RNF20: variants seen among roughly 807,000 people sequenced by gnomAD.
The protein encoded by RNF20 is E3 ubiquitin-protein ligase BRE1A.
In RNF20, 84 loss-of-function variants were observed where a neutral mutation model predicts 126.2. The observed-to-expected ratio is 0.67, with a 90% CI of 0.56 to 0.80. The LOEUF is 0.80. Ranked by LOEUF, RNF20 falls within the 30% of genes least tolerant of loss-of-function variation. RNF20 has a pLI of 0.00. For missense variants in RNF20, 869 were observed against 1,188.2 expected (o/e 0.73, Z 3.95); for synonymous variants, 400 against 414.3 (o/e 0.97, Z 0.42).
In RNF20 at chr9:101,552,484, C is replaced by T. The variant is rs1325790102; in HGVS notation, c.1632C>T (p.Ser544=). ...TAAAACCAGATTCTGAGGACTTATC[C>T]TCCCAGTCCTCAGCTTCAAAGGCAT... ...AELKPDSEDL[S]SQSSASKASQ... The change falls in exon 13 of 20, where the codon TCC becomes TCT. Residue 544 remains serine, a synonymous_variant. Transcript: ENST00000389120. The T allele has an allele frequency of 2.5e-6, 4 of 1,613,978 alleles. No homozygotes were observed. The highest frequency in any genetic ancestry group is 1.6e-4 in the Middle Eastern group (1 of 6,062).
In RNF20 at chr9:101,546,924, G is replaced by A. The variant is rs147124109; in HGVS notation, c.852G>A (p.Arg284=). 1,885 of 1,614,002 alleles carry A rather than the reference G, an allele frequency of 1.2e-3. 2 individuals are homozygous for A. Among genetic ancestry groups the A allele is most frequent in the Non-Finnish European group, 1.4e-3 (1,610 of 1,180,018 alleles). Reference sequence around the variant, plus strand: ...GGGATATTGACAAAATTCGAAAGAGGGAACAGCGACTCAACCGACACTTAG... The same window carrying A: ...GGGATATTGACAAAATTCGAAAGAGAGAACAGCGACTCAACCGACACTTAG... ...LQWDIDKIRK[R]EQRLNRHLAE... The change falls in exon 7 of 20, where the codon AGG becomes AGA. Residue 284 remains arginine (R), a synonymous_variant. Coordinates refer to ENST00000389120, the MANE Select transcript of RNF20 (RefSeq NM_019592.7).
At position 101,544,841 on chromosome 9, in the gene RNF20, T is replaced by C. The variant is rs61760889; in HGVS notation, c.703T>C (p.Leu235=). 4.7e-3 allele frequency: 7,564 copies of C among 1,613,840 alleles called. 20 individuals carry two copies. The highest frequency in any genetic ancestry group is 5.4e-3 in the Non-Finnish European group (6,412 of 1,179,728). The part of the protein sequence containing the change: ...LAQENMRLQE[L]TDLLQEKHRT... ...ACAGGAGAATATGAGGCTACAGGAA[T>C]TGACAGATCTTCTTCAGGAAAAGCA... The change falls in exon 6 of 20, where the codon TTG becomes CTG. Residue 235 remains leucine, a synonymous_variant. Transcript: ENST00000389120.
At chr9:101,555,063 T>C (rs1226558660) in intron 15 of RNF20, among the ~76,000 whole-genome samples, 1 of 152,142 alleles carries the variant, frequency 6.6e-6, no homozygotes, top group African/African-American at 2.4e-5. Flanking sequence ...TTTATTTAAA[T>C]GGACATTTAT....
rs189086796 is a variant in RNF20 at position 101,551,147 on chromosome 9, A to G, written c.1272+362A>G. On this transcript the variant is annotated intron_variant, in intron 10 of 19. Transcript: ENST00000389120. ...TTAAGGATAAATTATTGGTAGTTGA[A>G]AGTAGGAGAAGAAGAATTCCCGGCA... is the stretch of plus-strand genomic sequence containing the variant. Among the ~76,000 whole-genome samples, 82 of 152,328 alleles carry G rather than the reference A, an allele frequency of 5.4e-4. 1 individual carries two copies. The highest frequency in any genetic ancestry group is 5.2e-4 in the Admixed American group (8 of 15,298).
rs1564111734 is a variant in RNF20 at position 101,554,935 on chromosome 9, C to CT, written c.2169+99dup. The CT allele has an allele frequency of 7.1e-6, 7 of 986,514 alleles. No individual in the cohort carries two copies. In the East Asian group the frequency reaches 2.2e-4, roughly 31 times the overall value. 61.1% of individuals were successfully genotyped at this position (986,514 alleles called of 1,614,324 possible). A position where few individuals can be genotyped will look rare whatever the true frequency, so the allele number is the denominator to read the frequency against. On this transcript the variant is annotated intron_variant, in intron 15 of 19. Coordinates refer to ENST00000389120, the MANE Select transcript of RNF20 (RefSeq NM_019592.7). ...GTGAAATTTGCTTTTTTATTTTGGT[C>CT]TTTTTTTGATTGTTAATGTGTATTT...
At position 101,544,797 on chromosome 9, in the gene RNF20, A is replaced by C; in HGVS notation, c.659A>C (p.Glu220Ala). 6.2e-7 allele frequency: 1 copy of C among 1,611,370 alleles called. No individual in the cohort carries two copies. ...DNLIVEEAVQ[E>A]LNSFLAQENM... ...CTGATAGTGGAGGAAGCAGTGCAGG[A>C]GCTGAACTCTTTCCTCGCACAGGAG... The change falls in exon 6 of 20, where the codon GAG becomes GCG. Residue 220 changes from glutamate to alanine, a missense_variant. Glu to Ala is a moderately radical substitution (Grantham distance 107, BLOSUM62 -1). This residue lies in a region of RNF20 where 103 missense variants were observed against 94.3 expected (regional missense o/e 1.09). Transcript: ENST00000389120.
rs2118716533 is a variant in RNF20 at position 101,552,412 on chromosome 9, G to C, written c.1560G>C (p.Leu520=). 1 of 1,605,688 alleles carries C rather than the reference G, an allele frequency of 6.2e-7. No individual in the cohort carries two copies. Among genetic ancestry groups the C allele is most frequent in the Non-Finnish European group, 8.5e-7 (1 of 1,174,176 alleles). Residue 520 remains leucine, a synonymous_variant, in exon 13 of 20, where the codon CTG becomes CTC. Transcript: ENST00000389120. ...GCCTGCGTAGTGGTAGTGCCCTCCT[G>C]CAGTCCCAGTCTAGTACTGAGGACC... is the stretch of plus-strand genomic sequence containing the variant. The part of the protein sequence containing the change: ...KTRLRSGSAL[L]QSQSSTEDPK...
chr9:101,543,256 G>A (rs561529844), intron 5 of RNF20, among the ~76,000 whole-genome samples: 6 of 152,266 alleles, frequency 3.9e-5, no homozygotes, highest in East Asian at 3.9e-4. Context: ...CTGCCAGAGC[G>A]GCACTGTCTA....
At chr9:101,558,158 A>G (rs1827567178) in intron 16 of RNF20, among the ~76,000 whole-genome samples, 1 of 151,880 alleles carries the variant, frequency 6.6e-6, no homozygotes, top group African/African-American at 2.4e-5. Context: ...TATTGTACCC[A>G]GTGTGTAGTC....
chr9:101,560,977 T>C lies in RNF20; in HGVS notation c.2508+51T>C, dbSNP rs368551148. ...TTAGTCTCAGTGGAACAAATAAGTA[T>C]AACACTGTTGAGATTGTAAGTTCGC... On this transcript the variant is annotated intron_variant, in intron 17 of 19. Transcript: ENST00000389120. 4.4e-6 allele frequency: 7 copies of C among 1,602,512 alleles called. No homozygotes were observed. The East Asian group carries it at 1.6e-4, about 36-fold the overall frequency.
rs1471475778 is a variant in RNF20 at position 101,554,028 on chromosome 9, G to A, written c.1942G>A (p.Asp648Asn). ...ESQKEMKLLL[D>N]MYRSAPKEQR... ...CCAAAAGGAGATGAAACTATTGCTG[G>A]ATATGTACCGTTCTGCCCCAAAGGA... is the stretch of plus-strand genomic sequence containing the variant. Residue 648 changes from aspartate (D) to asparagine (N), a missense_variant, in exon 14 of 20, where the codon GAT (aspartate) becomes AAT (asparagine). Physicochemically the swap from Asp to Asn is conservative, Grantham distance 23. Around this residue, in one of 8 missense-constraint regions of RNF20, gnomAD observed 231 missense variants for 263.6 expected, o/e 0.88. Coordinates refer to ENST00000389120, the MANE Select transcript of RNF20 (RefSeq NM_019592.7). 2 of 1,613,656 alleles carry A rather than the reference G, an allele frequency of 1.2e-6. No homozygotes were observed. The highest frequency in any genetic ancestry group is 1.7e-6 in the Non-Finnish European group (2 of 1,179,682).
intron 11 of RNF20, 66 bp downstream of exon 11, chr9:101,551,885 A>C (rs541429068): frequency 6.6e-7 from 1 of 1,512,296 alleles, no homozygotes; most frequent in African/African-American, 1.4e-5. Flanking sequence ...TACAACACAG[A>C]CCCCAGGGTT....
At position 101,554,157 on chromosome 9, in the gene RNF20, G is replaced by A. The variant is rs529402381; in HGVS notation, c.2019+52G>A. ...TTCTGGTTAAAATCTTCATTTGTGGGATTTTCCTTTATACTTGCCAACGAT... is the reference window on the plus strand; with the variant it reads ...TTCTGGTTAAAATCTTCATTTGTGGAATTTTCCTTTATACTTGCCAACGAT... On this transcript the variant is annotated intron_variant, in intron 14 of 19. Transcript: ENST00000389120. 1.3e-5 allele frequency: 14 copies of A among 1,054,598 alleles called. No homozygotes were observed. In the South Asian group the frequency reaches 1.9e-4, roughly 14 times the overall value. The allele number at this position is 1,054,598 out of a possible 1,614,324, so 65.3% of individuals were successfully genotyped here.
chr9:101,535,636 G>A, intron 2 of RNF20, 84 bp downstream of exon 2: 3 of 1,433,270 alleles, frequency 2.1e-6, no homozygotes, highest in Admixed American at 2.1e-5. Context: ...GCTTTCTGGA[G>A]TATGGGGAAG....
chr9:101,551,719 T>C lies in RNF20; in HGVS notation c.1308T>C (p.Thr436=). ...TTAGTCTTCATAAGAAGCTGAGGAC[T>C]GAAGTAATTCAGCTAGAAGATACAT... is the stretch of plus-strand genomic sequence containing the variant. ...DEVSLHKKLR[T]EVIQLEDTLA... is the part of the protein sequence containing the mutation. The change falls in exon 11 of 20, where the codon ACT becomes ACC. Residue 436 remains threonine, a synonymous_variant. Transcript: ENST00000389120. 1 of 1,613,002 alleles carries C rather than the reference T, an allele frequency of 6.2e-7. No individual in the cohort carries two copies. The highest frequency in any genetic ancestry group is 1.7e-4 in the Middle Eastern group (1 of 6,058).
intron 1 of RNF20, among the ~76,000 whole-genome samples, chr9:101,534,674 T>C (rs1827154492): frequency 6.6e-6 from 1 of 152,222 alleles, no homozygotes; most frequent in African/African-American, 2.4e-5. Context: ...CTAGTACTAA[T>C]GACTTTAGTA....
chr9:101,534,808 T>G (rs1160202819), intron 1 of RNF20, among the ~76,000 whole-genome samples: 1 of 152,188 alleles, frequency 6.6e-6, no homozygotes, highest in Non-Finnish European at 1.5e-5. Flanking sequence ...GAACTTTATT[T>G]TTGGTCTCTT....
chr9:101,534,909 CT>C (rs200245240), intron 1 of RNF20, among the ~76,000 whole-genome samples: 7,116 of 139,720 alleles, frequency 0.051, 146 homozygotes, highest in South Asian at 0.089. Context: ...CCTTGACTTT[CT>C]TTTTTTTTTT....
rs772121448 is a variant in RNF20, at chr9:101,546,830, T to C, written c.758T>C (p.Leu253Ser). Residue 253 changes from leucine (L) to serine (S), a missense_variant, in exon 7 of 20, where the codon TTG becomes TCG. Coordinates refer to ENST00000389120, the MANE Select transcript of RNF20 (RefSeq NM_019592.7). ...HRTMSQEFSK[L>S]QSKVETAESR... ...GTCTTTGGGATGTAGTTCTCCAAGT[T>C]GCAGAGTAAAGTGGAGACAGCCGAA... The C allele has an allele frequency of 6.2e-7, 1 of 1,614,178 alleles. No individual in the cohort carries two copies. Among genetic ancestry groups the C allele is most frequent in the Admixed American group, 1.7e-5 (1 of 60,030 alleles).
Sources: allele counts gnomAD v4.1 joint callset (sites outside exome capture counted in the v4.1 genomes callset), GRCh38; gene constraint gnomAD v4.1.1; regional missense constraint gnomAD v4.1.1; transcripts MANE v1.5; gene names NCBI Gene and HGNC (gene_info 2026-07-23, HGNC 2026-07-21).